Variants in AP1B1 observed in about 807,000 individuals in gnomAD.
The protein encoded by AP1B1 is AP-1 complex subunit beta-1.
In AP1B1, 36 loss-of-function variants were observed where a neutral mutation model predicts 104.3. That is an observed-to-expected ratio of 0.35 (90% CI 0.26 to 0.46). The LOEUF (loss-of-function observed/expected upper bound fraction) is 0.46. Ranked by LOEUF, AP1B1 falls within the 20% of genes least tolerant of loss-of-function variation. AP1B1 has a pLI of 1.00. For synonymous variants in AP1B1, 504 were observed against 517.5 expected, an observed-to-expected ratio of 0.97 and a Z score of 0.35; for missense variants, 901 against 1,247.9, an observed-to-expected ratio of 0.72 and a Z score of 4.19.
At chr22:29,366,876 ACACAC>A (rs1193161116) in intron 2 of AP1B1, among the ~76,000 whole-genome samples, 12 of 146,254 alleles carry the variant, frequency 8.2e-5, no homozygotes, top group Non-Finnish European at 3.0e-5. Context: ...ACACACACAC[ACACAC>A]AACTGCTGTG....
chr22:29,344,110 CAA>C (rs58337637), intron 11 of AP1B1, among the ~76,000 whole-genome samples: 33 of 89,718 alleles, frequency 3.7e-4, no homozygotes, highest in Middle Eastern at 6.7e-3. Context: ...GACTTTGTCT[CAA>C]AAAAAAAAAA....
chr22:29,358,385 A>G (rs2061992244), intron 5 of AP1B1, among the ~76,000 whole-genome samples: 1 of 152,344 alleles, frequency 6.6e-6, no homozygotes, highest in Admixed American at 6.5e-5. Context: ...GGAGGGCACT[A>G]GTATTGATGG....
intron 22 of AP1B1, chr22:29,329,122 C>G: frequency 1.5e-6 from 2 of 1,353,592 alleles, no homozygotes; most frequent in East Asian, 3.0e-5. Context: ...GCTGTCAGCC[C>G]AGTCACCAGA....
Position 29,342,414 on chromosome 22 carries a change from T to C in AP1B1, c.1438-31A>G, listed in dbSNP as rs751377181. On this transcript the variant is annotated intron_variant, in intron 11 of 22. Transcript: ENST00000357586. ...GGGAACAGCGGTGACGAGGAGGAAG[T>C]GTGGGCCTCACATGGGGATAGAGGG... 6.7e-5 allele frequency: 105 copies of C among 1,578,828 alleles called. 2 individuals are homozygous for C. The South Asian group carries it at 1.1e-3, about 16-fold the overall frequency.
intron 22 of AP1B1, chr22:29,329,296 C>T (rs1460705433): frequency 1.7e-6 from 2 of 1,161,908 alleles, no homozygotes; most frequent in African/African-American, 1.6e-5. Context: ...TGGGAGGGAG[C>T]CTGGAGGGGT....
chr22:29,329,455 G>C (rs2061524040), intron 22 of AP1B1: 1 of 1,373,150 alleles, frequency 7.3e-7, no homozygotes, highest in African/African-American at 1.5e-5. Context: ...GGTGCAGTTA[G>C]GAAGTGGGAA....
chr22:29,342,446 A>G (rs1379016920), intron 11 of AP1B1, 63 bp from the exon 12 acceptor site: 1 of 1,386,704 alleles, frequency 7.2e-7, no homozygotes, highest in East Asian at 2.3e-5. Context: ...AGGGAGAACA[A>G]AAAGGCTTGA....
At chr22:29,331,200 G>A (rs962803765) in intron 19 of AP1B1, among the ~76,000 whole-genome samples, 4 of 152,140 alleles carry the variant, frequency 2.6e-5, no homozygotes, top group Non-Finnish European at 4.4e-5. Context: ...GCTGAGGAGC[G>A]AGCAGGAGAG....
chr22:29,338,347 C>A (rs760031729), intron 16 of AP1B1, among the ~76,000 whole-genome samples: 1 of 152,222 alleles, frequency 6.6e-6, no homozygotes, highest in African/African-American at 2.4e-5. Context: ...AAACCATTCA[C>A]GGGGTCCAGG....
chr22:29,367,888 T>C (rs1054498173), intron 1 of AP1B1, among the ~76,000 whole-genome samples: 2 of 152,184 alleles, frequency 1.3e-5, no homozygotes, highest in African/African-American at 4.8e-5. Context: ...CTGATTCATC[T>C]CTGGAAAGGG....
chr22:29,349,914 T>C, intron 10 of AP1B1, 121 bp downstream of exon 10: 1 of 820,928 alleles, frequency 1.2e-6, no homozygotes, highest in Non-Finnish European at 2.0e-6. Context: ...AGGGTTTCTT[T>C]TGAGAATGAC....
At chr22:29,363,540 C>T (rs2062084291) in intron 2 of AP1B1, among the ~76,000 whole-genome samples, 4 of 151,878 alleles carry the variant, frequency 2.6e-5, no homozygotes, top group South Asian at 2.1e-4. Flanking sequence ...CCCAGCTACT[C>T]GGGAGGCTGA....
intron 1 of AP1B1, among the ~76,000 whole-genome samples, chr22:29,385,301 G>A (rs969572712): frequency 2.0e-5 from 3 of 152,148 alleles, no homozygotes; most frequent in South Asian, 2.1e-4. Context: ...CAGGAGGATC[G>A]TTCAAGCCCA....
intron 1 of AP1B1, among the ~76,000 whole-genome samples, chr22:29,375,013 C>T (rs2062311347): frequency 6.6e-6 from 1 of 152,116 alleles, no homozygotes; most frequent in South Asian, 2.1e-4. Context: ...AAAATGATAG[C>T]ACAGCATATG....
chr22:29,359,549 A>C, intron 4 of AP1B1: 1 of 355,612 alleles, frequency 2.8e-6, no homozygotes, highest in African/African-American at 2.1e-5. Context: ...TTCCTGCCCT[A>C]GCAAAGCATG....
At chr22:29,368,515 C>T (rs552659047) in intron 1 of AP1B1, among the ~76,000 whole-genome samples, 2 of 152,292 alleles carry the variant, frequency 1.3e-5, no homozygotes, top group African/African-American at 4.8e-5. Flanking sequence ...GCAGGGGCTT[C>T]GCCCACATTA....
At chr22:29,331,339 C>T in intron 19 of AP1B1, 110 bp downstream of exon 19, 1 of 1,094,032 alleles carries the variant, frequency 9.1e-7, no homozygotes. Flanking sequence ...TCCCCGACTC[C>T]ATTTACGGGC....
chr22:29,355,365 C>G (rs1162489667), intron 6 of AP1B1, among the ~76,000 whole-genome samples: 1 of 151,710 alleles, frequency 6.6e-6, no homozygotes, highest in Non-Finnish European at 1.5e-5. Context: ...GAGGCTGACG[C>G]AGGAGGACTG....
At chr22:29,354,024 C>G (rs371462138) in intron 7 of AP1B1, among the ~76,000 whole-genome samples, 1 of 152,218 alleles carries the variant, frequency 6.6e-6, no homozygotes, top group Non-Finnish European at 1.5e-5. Flanking sequence ...GCCTACCCCC[C>G]ACTACCATAC....
Sources: allele counts gnomAD v4.1 joint callset (sites outside exome capture counted in the v4.1 genomes callset), GRCh38; gene constraint gnomAD v4.1.1; transcripts MANE v1.5; gene names NCBI Gene and HGNC (gene_info 2026-07-23, HGNC 2026-07-21).